The following CSNK1G3 variants were observed in gnomAD, a reference collection of about 807,000 sequenced individuals.
CSNK1G3 encodes the protein casein kinase I isoform gamma-3.
In CSNK1G3, 23 loss-of-function variants were observed where a neutral mutation model predicts 64.3. That is an observed-to-expected ratio of 0.36 (90% CI 0.26 to 0.51). The LOEUF is 0.51. Ranked by LOEUF, CSNK1G3 falls within the 20% of genes least tolerant of loss-of-function variation. CSNK1G3 has a pLI of 0.96. For synonymous variants in CSNK1G3, 158 were observed against 162.2 expected, an observed-to-expected ratio of 0.97 and a Z score of 0.20; for missense variants, 357 against 510.5, an observed-to-expected ratio of 0.70 and a Z score of 2.90.
exon 13 of CSNK1G3, chr5:123,616,026 T>C (rs2151302678): frequency 6.6e-6 from 1 of 152,290 alleles, no homozygotes; most frequent in Admixed American, 6.5e-5. Context: ...GGCACCCACA[T>C]GAACACCACA....
chr5:123,574,267 A>G (rs1788723814), intron 5 of CSNK1G3, among the ~76,000 whole-genome samples: 1 of 152,212 alleles, frequency 6.6e-6, no homozygotes, highest in African/African-American at 2.4e-5. Context: ...GATAACAATT[A>G]GAGAGTGATT....
intron 10 of CSNK1G3, among the ~76,000 whole-genome samples, chr5:123,600,976 A>AT (rs985631743): frequency 1.9e-4 from 28 of 150,600 alleles, no homozygotes; most frequent in Non-Finnish European, 2.8e-4. Context: ...GTCAGAGGGA[A>AT]TTTTTTTTTA....
intron 1 of CSNK1G3, among the ~76,000 whole-genome samples, chr5:123,518,167 T>G (rs1777508225): frequency 6.6e-6 from 1 of 152,208 alleles, no homozygotes. Context: ...AGGAGATTGT[T>G]CTTTGAAGGA....
chr5:123,534,742 A>G (rs898807432), intron 1 of CSNK1G3, among the ~76,000 whole-genome samples: 6 of 152,114 alleles, frequency 3.9e-5, no homozygotes, highest in Admixed American at 6.6e-5. Context: ...GTGTCTAGCC[A>G]ATACCTTGAA....
intron 1 of CSNK1G3, among the ~76,000 whole-genome samples, chr5:123,516,191 G>T (rs1777137078): frequency 6.6e-6 from 1 of 152,132 alleles, no homozygotes; most frequent in South Asian, 2.1e-4. Context: ...GTCTTTAATT[G>T]TGGGATCCTG....
intron 1 of CSNK1G3, among the ~76,000 whole-genome samples, chr5:123,530,488 A>C (rs929490962): frequency 3.3e-5 from 5 of 152,222 alleles, no homozygotes; most frequent in Admixed American, 2.0e-4. Context: ...ACATTCATTT[A>C]AAGCCTACAA....
intron 12 of CSNK1G3, among the ~76,000 whole-genome samples, chr5:123,610,660 C>G (rs962945164): frequency 6.6e-6 from 1 of 152,108 alleles, no homozygotes; most frequent in African/African-American, 2.4e-5. Flanking sequence ...AAGGTTGTTT[C>G]TAAAGTTCAT....
In CSNK1G3 at chr5:123,608,750, T is replaced by C. The variant is rs74963514; in HGVS notation, c.1217+3388T>C. ...AGATGTACTAATACTTAGGCTGTAT[T>C]TTCAAGGTTTCTGATTTTACTAGTT... is the stretch of plus-strand genomic sequence containing the variant. On this transcript the variant is annotated intron_variant, in intron 12 of 12. Coordinates refer to ENST00000345990, the Ensembl canonical transcript of CSNK1G3. Among the ~76,000 whole-genome samples, 985 of 152,272 alleles carry C rather than the reference T, an allele frequency of 6.5e-3. 22 individuals carry two copies. The highest frequency in any genetic ancestry group is 0.042 in the Admixed American group (636 of 15,272).
intron 3 of CSNK1G3, among the ~76,000 whole-genome samples, chr5:123,556,787 TGTGTG>T (rs1784714078): frequency 7.0e-6 from 1 of 143,030 alleles, no homozygotes; most frequent in Non-Finnish European, 1.5e-5. Flanking sequence ...TGTGTGTGTG[TGTGTG>T]GTGTGTGTAT....
chr5:123,551,421 T>C (rs937143518), intron 2 of CSNK1G3, among the ~76,000 whole-genome samples: 1 of 152,242 alleles, frequency 6.6e-6, no homozygotes, highest in African/African-American at 2.4e-5. Context: ...GAATAGAGCT[T>C]AAAGTTGACC....
intron 9 of CSNK1G3, 132 bp downstream of exon 9, chr5:123,590,690 A>G (rs1462767161): frequency 3.7e-6 from 2 of 540,192 alleles, no homozygotes; most frequent in Non-Finnish European, 5.9e-6. Flanking sequence ...TTTAAGGGAC[A>G]TTTCTGCAGG....
At chr5:123,525,366 C>T (rs1778869924) in intron 1 of CSNK1G3, among the ~76,000 whole-genome samples, 1 of 149,784 alleles carries the variant, frequency 6.7e-6, no homozygotes, top group African/African-American at 2.5e-5. Flanking sequence ...GGTTGGAGTG[C>T]AGTGGTGCGA....
At chr5:123,515,084 A>G (rs1776911396) in intron 1 of CSNK1G3, among the ~76,000 whole-genome samples, 1 of 152,214 alleles carries the variant, frequency 6.6e-6, no homozygotes, top group Non-Finnish European at 1.5e-5. Flanking sequence ...CTTTATTTGC[A>G]TTTAAATATG....
intron 4 of CSNK1G3, among the ~76,000 whole-genome samples, chr5:123,567,992 A>T (rs1787267663): frequency 6.6e-6 from 1 of 152,178 alleles, no homozygotes; most frequent in Non-Finnish European, 1.5e-5. Flanking sequence ...TTTCCCTGCA[A>T]AAGGTTGTCA....
At chr5:123,562,231 C>A (rs1785891417) in intron 4 of CSNK1G3, among the ~76,000 whole-genome samples, 1 of 152,124 alleles carries the variant, frequency 6.6e-6, no homozygotes, top group Non-Finnish European at 1.5e-5. Flanking sequence ...TTTCTGACAT[C>A]TTTTCCTCTC....
rs537763980 is a variant in CSNK1G3, at chr5:123,604,647, A to G, written c.1087-77A>G. ...TAACAATTATGTTTATCCTTGTATA[A>G]CCTATTTAATATGTATGTATATTTA... On this transcript the variant is annotated intron_variant, in intron 10 of 12. Coordinates refer to ENST00000345990, the Ensembl canonical transcript of CSNK1G3. The G allele has an allele frequency of 1.0e-5, 7 of 687,718 alleles. No homozygotes were observed. In the Middle Eastern group the frequency reaches 1.1e-3, roughly 111 times the overall value. The allele number at this position is 687,718 out of a possible 1,614,324, so 42.6% of individuals were successfully genotyped here.
intron 6 of CSNK1G3, among the ~76,000 whole-genome samples, chr5:123,582,148 A>G (rs894775826): frequency 1.3e-5 from 2 of 152,140 alleles, no homozygotes; most frequent in Non-Finnish European, 2.9e-5. Context: ...TGAAATTTCA[A>G]TTGAAATGGA....
chr5:123,614,088 GA>G (rs891831729), intron 12 of CSNK1G3, among the ~76,000 whole-genome samples: 20 of 152,134 alleles, frequency 1.3e-4, no homozygotes, highest in Admixed American at 1.3e-3. Flanking sequence ...TACTCTTAGT[GA>G]AAAACCTTTT....
chr5:123,518,093 G>A (rs1777492103), intron 1 of CSNK1G3, among the ~76,000 whole-genome samples: 1 of 152,150 alleles, frequency 6.6e-6, no homozygotes, highest in Non-Finnish European at 1.5e-5. Flanking sequence ...TGTACTGTCA[G>A]GGTTGAAGGG....
Sources: gnomAD v4.1 joint callset for allele counts (sites outside exome capture counted in the v4.1 genomes callset) on GRCh38, gnomAD v4.1.1 for gene constraint, MANE v1.5 for transcripts, NCBI Gene and HGNC (gene_info 2026-07-23, HGNC 2026-07-21) for gene names.